KLHDC10: variants seen among roughly 807,000 people sequenced by gnomAD.
The protein encoded by KLHDC10 is kelch domain-containing protein 10.
A neutral mutation model predicts 56.1 loss-of-function variants in KLHDC10; 24 were observed. The observed-to-expected ratio is 0.43, with a 90% confidence interval of 0.31 to 0.60. The LOEUF is 0.60. Among genes scored for constraint, KLHDC10 ranks in the 20% least tolerant of loss-of-function variants. The probability of loss-of-function intolerance (pLI) is 0.11; values close to 1 mark genes in which losing one functional copy is unlikely to be tolerated. For synonymous variants in KLHDC10, 188 were observed against 207.1 expected, an observed-to-expected ratio of 0.91 and a Z score of 0.79; for missense variants, 349 against 567.0, an observed-to-expected ratio of 0.62 and a Z score of 3.91.
rs1263524292 is a variant in KLHDC10, at chr7:130,134,017, G to A, written c.*3271G>A. 1 of 152,070 alleles carries A rather than the reference G, an allele frequency of 6.6e-6. No homozygotes were observed. Among genetic ancestry groups the A allele is most frequent in the East Asian group, 1.9e-4 (1 of 5,188 alleles). 9.4% of individuals were successfully genotyped at this position (152,070 alleles called of 1,614,324 possible). ...ATAGCTAGATTTTAAAGCATAATAA[G>A]CATATTAACATTTTTAAGCAAAAGA... On this transcript the variant is annotated 3_prime_UTR_variant, in exon 10 of 10. Transcript: ENST00000335420.
intron 2 of KLHDC10, among the ~76,000 whole-genome samples, chr7:130,105,400 A>T (rs1456679231): frequency 1.3e-5 from 2 of 152,250 alleles, no homozygotes; most frequent in African/African-American, 4.8e-5. Flanking sequence ...ACATATATTC[A>T]TACAAATAAA....
intron 1 of KLHDC10, among the ~76,000 whole-genome samples, chr7:130,076,012 C>T (rs557234058): frequency 1.6e-3 from 236 of 151,474 alleles, no homozygotes; most frequent in Non-Finnish European, 2.9e-3. Flanking sequence ...GGACCAGTTT[C>T]GTGGAAGACA....
chr7:130,104,155 G>A (rs1289205289), intron 2 of KLHDC10, among the ~76,000 whole-genome samples: 1 of 152,164 alleles, frequency 6.6e-6, no homozygotes, highest in African/African-American at 2.4e-5. Flanking sequence ...TCATCATAAA[G>A]GTCTTCATCC....
chr7:130,076,774 G>A (rs959124439), intron 1 of KLHDC10, among the ~76,000 whole-genome samples: 5 of 151,996 alleles, frequency 3.3e-5, no homozygotes, highest in African/African-American at 1.2e-4. Flanking sequence ...TACAGTTTGA[G>A]GTTATTACTG....
intron 2 of KLHDC10, among the ~76,000 whole-genome samples, chr7:130,108,838 T>A (rs1262584586): frequency 6.6e-6 from 1 of 152,140 alleles, no homozygotes; most frequent in Admixed American, 6.5e-5. Context: ...CCTCTCTCCC[T>A]TCCCCCCTTT....
intron 2 of KLHDC10, among the ~76,000 whole-genome samples, chr7:130,108,556 C>CAAAAAAAAAAA (rs71175086): frequency 5.8e-5 from 5 of 85,666 alleles, no homozygotes; most frequent in African/African-American, 1.7e-4. Flanking sequence ...ACCAAATATC[C>CAAAAAAAAAAA]AAAAAAAAAA....
chr7:130,131,405 C>T lies in KLHDC10; in HGVS notation c.*659C>T, dbSNP rs1796398341. ...TGGTTAGTGATTTCTTTCTCATCCTCATGGTGCCAGCAGTGGTTAGAGTTG... is the reference window on the plus strand; with the variant it reads ...TGGTTAGTGATTTCTTTCTCATCCTTATGGTGCCAGCAGTGGTTAGAGTTG... On this transcript the variant is annotated 3_prime_UTR_variant, in exon 10 of 10. Coordinates refer to ENST00000335420, the MANE Select transcript of KLHDC10 (RefSeq NM_014997.4). The T allele has an allele frequency of 2.6e-5, 4 of 152,402 alleles. No homozygotes were observed. The highest frequency in any genetic ancestry group is 9.7e-5 in the African/African-American group (4 of 41,442). The allele number at this position is 152,402 out of a possible 1,614,324, so 9.4% of individuals were successfully genotyped here. A position where few individuals can be genotyped will look rare whatever the true frequency, so the allele number is the denominator to read the frequency against.
At position 130,120,340 on chromosome 7, in the gene KLHDC10, G is replaced by C. The variant is rs1796231995; in HGVS notation, c.476-409G>C. Among the ~76,000 whole-genome samples, 1 of 152,156 alleles carries C rather than the reference G, an allele frequency of 6.6e-6. No homozygotes were observed. Among genetic ancestry groups the C allele is most frequent in the African/African-American group, 2.4e-5 (1 of 41,452 alleles). On this transcript the variant is annotated intron_variant, in intron 3 of 9. Coordinates refer to ENST00000335420, the MANE Select transcript of KLHDC10 (RefSeq NM_014997.4). This position sits in a 1 kb window ranked among gnomAD's most constrained non-coding sequence, Gnocchi z 5.1. ...ATGCCTAGCAATGAACTATGTGATA[G>C]AGCCCATATAGTGGAATTAGATCTT...
chr7:130,123,135 C>G (rs549557634), intron 5 of KLHDC10, among the ~76,000 whole-genome samples: 1 of 152,144 alleles, frequency 6.6e-6, no homozygotes, highest in South Asian at 2.1e-4. Flanking sequence ...AGTAGCAGAT[C>G]TATATCTTTC....
chr7:130,100,140 A>C (rs1375570118), intron 2 of KLHDC10, among the ~76,000 whole-genome samples: 1 of 152,026 alleles, frequency 6.6e-6, no homozygotes, highest in African/African-American at 2.4e-5. Context: ...TTGATTTGAC[A>C]TATAAGGAAG....
chr7:130,130,765 T>A lies in KLHDC10; in HGVS notation c.*19T>A, dbSNP rs1796390008. ...GAAATGAGGATTTCTGGACTGTTCA[T>A]TGATACTGGAAATGTTAATTTAAAG... On this transcript the variant is annotated 3_prime_UTR_variant, in exon 10 of 10. Coordinates refer to ENST00000335420, the MANE Select transcript of KLHDC10 (RefSeq NM_014997.4). This position sits in a 1 kb window ranked among gnomAD's most constrained non-coding sequence, Gnocchi z 4.2. The A allele has an allele frequency of 6.2e-7, 1 of 1,602,934 alleles. No individual in the cohort carries two copies.
intron 1 of KLHDC10, among the ~76,000 whole-genome samples, chr7:130,089,633 A>G (rs1031723767): frequency 1.3e-5 from 2 of 152,238 alleles, no homozygotes; most frequent in Non-Finnish European, 2.9e-5. Flanking sequence ...TCTTCCAGGT[A>G]GACATAGTCC....
At chr7:130,113,354 C>G (rs913343215) in intron 2 of KLHDC10, among the ~76,000 whole-genome samples, 1 of 147,390 alleles carries the variant, frequency 6.8e-6, no homozygotes, top group Non-Finnish European at 1.5e-5. Flanking sequence ...TTTTTTGAGA[C>G]GGAGTTTTGC....
chr7:130,126,613 T>G (rs983820179), intron 7 of KLHDC10, among the ~76,000 whole-genome samples: 2 of 151,858 alleles, frequency 1.3e-5, no homozygotes, highest in Non-Finnish European at 2.9e-5. Flanking sequence ...GAGGCAGAGA[T>G]TGCAGTGAGC....
intron 1 of KLHDC10, among the ~76,000 whole-genome samples, chr7:130,085,644 G>T (rs1795677803): frequency 6.6e-6 from 1 of 151,652 alleles, no homozygotes; most frequent in African/African-American, 2.4e-5. Flanking sequence ...AGACCAGCCT[G>T]GTCAACATGG....
At chr7:130,128,884 AAAAAAATAT>A (rs1465137383) in intron 8 of KLHDC10, among the ~76,000 whole-genome samples, 1 of 97,960 alleles carries the variant, frequency 1.0e-5, no homozygotes, top group African/African-American at 4.2e-5. Context: ...TTAAAAAAAA[AAAAAAATAT>A]ATATATATAT....
chr7:130,118,750 A>G (rs886768285), intron 3 of KLHDC10, among the ~76,000 whole-genome samples: 11 of 152,174 alleles, frequency 7.2e-5, no homozygotes, highest in African/African-American at 2.7e-4. Flanking sequence ...TCACTGGCCT[A>G]ATTTCAATCT....
In KLHDC10 at chr7:130,134,539, T is replaced by C. The variant is rs756537211; in HGVS notation, c.*3793T>C. On this transcript the variant is annotated 3_prime_UTR_variant, in exon 10 of 10. Coordinates refer to ENST00000335420, the MANE Select transcript of KLHDC10 (RefSeq NM_014997.4). ...TTTTCCTCTAATCTTGCAAGAGCTA[T>C]GGCTCTTCTATTTTCCAATCACACA... 6.6e-6 allele frequency: 1 copy of C among 152,214 alleles called. No homozygotes were observed. Among genetic ancestry groups the C allele is most frequent in the Non-Finnish European group, 1.5e-5 (1 of 68,032 alleles). 9.4% of individuals were successfully genotyped at this position (152,214 alleles called of 1,614,324 possible). A position where few individuals can be genotyped will look rare whatever the true frequency, so the allele number is the denominator to read the frequency against.
Position 130,133,110 on chromosome 7 carries a change from C to T in KLHDC10, c.*2364C>T, listed in dbSNP as rs975210621. The stretch of plus-strand genomic sequence containing the variant: ...TCTAAAGTGTCTTCTTTTAATATAA[C>T]ACTAGTAAAAATGACATGGTATGAC... On this transcript the variant is annotated 3_prime_UTR_variant, in exon 10 of 10. Coordinates refer to ENST00000335420, the MANE Select transcript of KLHDC10 (RefSeq NM_014997.4). 1 of 152,184 alleles carries T rather than the reference C, an allele frequency of 6.6e-6. No individual in the cohort carries two copies. Among genetic ancestry groups the T allele is most frequent in the African/African-American group, 2.4e-5 (1 of 41,442 alleles). The allele number at this position is 152,184 out of a possible 1,614,324, so 9.4% of individuals were successfully genotyped here.
Sources: gnomAD v4.1 joint callset for allele counts (sites outside exome capture counted in the v4.1 genomes callset) on GRCh38, gnomAD v4.1.1 for gene constraint, Gnocchi (gnomAD v3.1) non-coding constraint, MANE v1.5 for transcripts, NCBI Gene and HGNC (gene_info 2026-07-23, HGNC 2026-07-21) for gene names.